Variants in KIAA1328 observed in about 807,000 individuals in gnomAD.
The protein encoded by KIAA1328 is KIAA1328.
Under a neutral mutation model 68.1 loss-of-function variants are expected in KIAA1328, and 52 were observed. The ratio of observed to expected loss-of-function variants is 0.76; its 90% CI spans 0.61 to 0.96. The LOEUF (loss-of-function observed/expected upper bound fraction) is 0.96. Among genes scored for constraint, KIAA1328 ranks in the 40% least tolerant of loss-of-function variants. The probability of loss-of-function intolerance (pLI) is 0.00; values close to 1 mark genes in which losing one functional copy is unlikely to be tolerated. For missense variants in KIAA1328, 641 were observed against 677.6 expected, an observed-to-expected ratio of 0.95 and a Z score of 0.60; for synonymous variants, 232 against 239.4, an observed-to-expected ratio of 0.97 and a Z score of 0.28.
intron 6 of KIAA1328, among the ~76,000 whole-genome samples, chr18:36,979,211 AAGAAG>A (rs1469622179): frequency 6.6e-6 from 1 of 151,890 alleles, no homozygotes; most frequent in Non-Finnish European, 1.5e-5. Flanking sequence ...AATAAAAAGA[AAGAAG>A]GTTATATGAA....
intron 3 of KIAA1328, among the ~76,000 whole-genome samples, chr18:36,835,680 T>C (rs1421776416): frequency 3.3e-5 from 5 of 152,222 alleles, no homozygotes; most frequent in African/African-American, 1.2e-4. Flanking sequence ...CTGATGAGAA[T>C]TGCTTTTTAA....
intron 5 of KIAA1328, among the ~76,000 whole-genome samples, chr18:36,917,673 A>G: frequency 6.6e-6 from 1 of 152,234 alleles, no homozygotes; most frequent in East Asian, 1.9e-4. Context: ...TATGCCAGAC[A>G]GAGATTTAGA....
At chr18:36,905,380 G>A (rs2049182442) in intron 5 of KIAA1328, among the ~76,000 whole-genome samples, 1 of 151,944 alleles carries the variant, frequency 6.6e-6, no homozygotes. Flanking sequence ...CTGAAGTGCT[G>A]GGATTACAGG....
At chr18:37,002,560 T>A (rs1336058329) in intron 6 of KIAA1328, among the ~76,000 whole-genome samples, 1 of 151,726 alleles carries the variant, frequency 6.6e-6, no homozygotes, top group Non-Finnish European at 1.5e-5. Context: ...CTAGTAATGA[T>A]CTAGTCCAGA....
intron 6 of KIAA1328, among the ~76,000 whole-genome samples, chr18:37,019,815 G>T (rs188534727): frequency 4.6e-5 from 7 of 152,256 alleles, no homozygotes; most frequent in Non-Finnish European, 8.8e-5. Flanking sequence ...AGAGGGTTTC[G>T]CTATACCATG....
intron 9 of KIAA1328, among the ~76,000 whole-genome samples, chr18:37,178,813 T>G (rs1599522012): frequency 6.6e-6 from 1 of 152,232 alleles, no homozygotes; most frequent in African/African-American, 2.4e-5. Flanking sequence ...TTGATTTGTA[T>G]TTTCCTGATG....
At chr18:36,846,702 A>C (rs2047040940) in intron 4 of KIAA1328, among the ~76,000 whole-genome samples, 1 of 151,580 alleles carries the variant, frequency 6.6e-6, no homozygotes, top group Admixed American at 6.6e-5. Context: ...GGCACAACAT[A>C]TAAATGGCCA....
At chr18:36,877,514 G>GTTTTTTTTTTTTTTTT (rs34759198) in intron 4 of KIAA1328, among the ~76,000 whole-genome samples, 1 of 119,184 alleles carries the variant, frequency 8.4e-6, no homozygotes, top group African/African-American at 3.0e-5. Flanking sequence ...TTTTTTGTTG[G>GTTTTTTTTTTTTTTTT]TTTTTTTTTT....
intron 3 of KIAA1328, among the ~76,000 whole-genome samples, chr18:36,837,544 A>G (rs2046720162): frequency 6.6e-6 from 1 of 151,848 alleles, no homozygotes; most frequent in African/African-American, 2.4e-5. Context: ...TTGCCTTTTC[A>G]CTTTTTTATT....
At chr18:37,015,266 C>G (rs1473470472) in intron 6 of KIAA1328, among the ~76,000 whole-genome samples, 1 of 152,132 alleles carries the variant, frequency 6.6e-6, no homozygotes, top group African/African-American at 2.4e-5. Flanking sequence ...GAGTCTTTCC[C>G]ATTGCTTGTT....
At chr18:37,153,697 A>C (rs1343737515) in intron 7 of KIAA1328, among the ~76,000 whole-genome samples, 1 of 135,350 alleles carries the variant, frequency 7.4e-6, no homozygotes, top group Non-Finnish European at 1.5e-5. Flanking sequence ...TGATTCCAGG[A>C]CTGGTTCAGA....
intron 7 of KIAA1328, among the ~76,000 whole-genome samples, chr18:37,114,493 G>A (rs1277357127): frequency 6.6e-6 from 1 of 152,212 alleles, no homozygotes; most frequent in African/African-American, 2.4e-5. Flanking sequence ...CAGAATCTCT[G>A]GGACACATTT....
At chr18:37,152,282 T>C (rs1161098837) in intron 7 of KIAA1328, among the ~76,000 whole-genome samples, 2 of 151,912 alleles carry the variant, frequency 1.3e-5, no homozygotes, top group Admixed American at 1.3e-4. Flanking sequence ...GAGACAAAGG[T>C]AAAGGACTTT....
At chr18:37,101,672 C>T (rs2057622599) in intron 7 of KIAA1328, among the ~76,000 whole-genome samples, 1 of 152,140 alleles carries the variant, frequency 6.6e-6, no homozygotes, top group Non-Finnish European at 1.5e-5. Context: ...GAGAATGCTA[C>T]AAAGATACTC....
intron 7 of KIAA1328, among the ~76,000 whole-genome samples, chr18:37,093,417 A>G (rs2057320579): frequency 6.6e-6 from 1 of 152,256 alleles, no homozygotes; most frequent in African/African-American, 2.4e-5. Context: ...ACAACTGATG[A>G]TATGAGTGAG....
intron 9 of KIAA1328, among the ~76,000 whole-genome samples, chr18:37,220,271 A>AT (rs1240743255): frequency 1.3e-5 from 2 of 152,244 alleles, no homozygotes; most frequent in African/African-American, 4.8e-5. Context: ...TAAAGATCAT[A>AT]TAAGAAACCA....
chr18:37,089,861 C>T (rs2057219824), intron 7 of KIAA1328, among the ~76,000 whole-genome samples: 1 of 152,122 alleles, frequency 6.6e-6, no homozygotes, highest in Admixed American at 6.5e-5. Context: ...AATAAATTAG[C>T]ATCAAACAAA....
intron 6 of KIAA1328, among the ~76,000 whole-genome samples, chr18:36,985,668 G>T (rs1451274754): frequency 6.6e-6 from 1 of 152,098 alleles, no homozygotes; most frequent in African/African-American, 2.4e-5. Flanking sequence ...TATGCAAAAA[G>T]AAATTACTGT....
chr18:37,049,500 C>A (rs977736380), intron 6 of KIAA1328, among the ~76,000 whole-genome samples: 5 of 152,080 alleles, frequency 3.3e-5, no homozygotes, highest in Admixed American at 2.6e-4. Context: ...TTTTAAAAGT[C>A]AGGATTTGTC....
Sources: allele counts gnomAD v4.1 joint callset (sites outside exome capture counted in the v4.1 genomes callset), GRCh38; gene constraint gnomAD v4.1.1; transcripts MANE v1.5; gene names NCBI Gene and HGNC (gene_info 2026-07-23, HGNC 2026-07-21).